Variants in EYS observed in about 807,000 individuals in gnomAD.
The protein encoded by EYS is protein eyes shut homolog.
A neutral mutation model predicts 282.1 loss-of-function variants in EYS; 250 were observed. The observed-to-expected ratio is 0.89, with a 90% CI of 0.80 to 0.98. The LOEUF is 0.98. Among genes scored for constraint, EYS ranks in the 50% least tolerant of loss-of-function variants. The probability of loss-of-function intolerance (pLI) is 0.00; values close to 1 mark genes in which losing one functional copy is unlikely to be tolerated. For synonymous variants in EYS, 1,355 were observed against 1,282.9 expected, an observed-to-expected ratio of 1.06 and a Z score of -1.20; for missense variants, 4,016 against 3,709.0, an observed-to-expected ratio of 1.08 and a Z score of -2.15.
At chr6:64,244,560 C>G (rs1319588774) in intron 30 of EYS, among the ~76,000 whole-genome samples, 1 of 152,022 alleles carries the variant, frequency 6.6e-6, no homozygotes, top group East Asian at 1.9e-4. Context: ...TGGTTTTTAT[C>G]TATTCTGCAA....
chr6:64,331,652 C>A (rs1770652311), intron 29 of EYS, among the ~76,000 whole-genome samples: 1 of 148,454 alleles, frequency 6.7e-6, no homozygotes, highest in Non-Finnish European at 1.5e-5. Context: ...GGAAAAACTG[C>A]ATTAGAGACT....
intron 2 of EYS, among the ~76,000 whole-genome samples, chr6:65,525,719 T>C (rs1016336094): frequency 6.6e-6 from 1 of 152,226 alleles, no homozygotes; most frequent in African/African-American, 2.4e-5. Flanking sequence ...AGTTTACTTT[T>C]AGATGAAATG....
intron 14 of EYS, among the ~76,000 whole-genome samples, chr6:64,951,690 A>T (rs1474906855): frequency 6.6e-6 from 1 of 151,838 alleles, no homozygotes; most frequent in Non-Finnish European, 1.5e-5. Context: ...TGAAAATTAT[A>T]ACCTGAAATT....
chr6:65,488,325 C>A, intron 5 of EYS, among the ~76,000 whole-genome samples: 1 of 152,128 alleles, frequency 6.6e-6, no homozygotes, highest in Admixed American at 6.6e-5. Flanking sequence ...CTATAAATTT[C>A]CCTCTACACA....
intron 14 of EYS, among the ~76,000 whole-genome samples, chr6:64,951,998 A>C (rs1031498089): frequency 5.9e-5 from 9 of 151,920 alleles, no homozygotes; most frequent in African/African-American, 2.2e-4. Flanking sequence ...TGGATACATA[A>C]AAATAAAACT....
chr6:64,772,246 G>A (rs1340199348), intron 22 of EYS, among the ~76,000 whole-genome samples: 1 of 151,638 alleles, frequency 6.6e-6, no homozygotes, highest in African/African-American at 2.4e-5. Flanking sequence ...GTCCTGTTTA[G>A]CATGGTCTTC....
At chr6:63,756,639 T>A (rs1582176306) in intron 41 of EYS, among the ~76,000 whole-genome samples, 1 of 152,112 alleles carries the variant, frequency 6.6e-6, no homozygotes, top group Admixed American at 6.6e-5. Flanking sequence ...GCTGCCCTCA[T>A]AAAGTGAGTT....
intron 1 of EYS, among the ~76,000 whole-genome samples, chr6:65,703,877 G>A (rs1237002087): frequency 2.0e-5 from 3 of 152,118 alleles, no homozygotes; most frequent in Non-Finnish European, 4.4e-5. Context: ...GGATTGGCAT[G>A]GTGCTACAAA....
intron 40 of EYS, among the ~76,000 whole-genome samples, chr6:63,776,086 C>G (rs1770057704): frequency 6.6e-6 from 1 of 152,092 alleles, no homozygotes; most frequent in African/African-American, 2.4e-5. Flanking sequence ...TATTGCTTGT[C>G]TATTTGTTAC....
intron 19 of EYS, among the ~76,000 whole-genome samples, chr6:64,864,422 T>C (rs1233109513): frequency 2.8e-5 from 4 of 144,134 alleles, no homozygotes; most frequent in Non-Finnish European, 4.5e-5. Flanking sequence ...AATCTTGCTC[T>C]GTCACCAGGC....
At chr6:64,542,572 G>A (rs1032371558) in intron 26 of EYS, among the ~76,000 whole-genome samples, 5 of 152,072 alleles carry the variant, frequency 3.3e-5, no homozygotes, top group Non-Finnish European at 7.4e-5. Flanking sequence ...GATTGTGAAA[G>A]TAGGTTTTTG....
At chr6:64,098,872 G>A (rs367814206) in intron 31 of EYS, among the ~76,000 whole-genome samples, 1 of 152,112 alleles carries the variant, frequency 6.6e-6, no homozygotes, top group East Asian at 1.9e-4. Context: ...CAAAGTGCTG[G>A]GATTACAAGC....
chr6:64,674,491 C>G (rs9363084), intron 22 of EYS, among the ~76,000 whole-genome samples: 3,149 of 151,876 alleles, frequency 0.021, 77 homozygotes, highest in East Asian at 0.11. Context: ...AGCTGGCAAC[C>G]CTAAGAGGCA....
At chr6:65,339,469 T>C (rs189380385) in intron 10 of EYS, among the ~76,000 whole-genome samples, 1 of 151,374 alleles carries the variant, frequency 6.6e-6, no homozygotes, top group East Asian at 2.0e-4. Flanking sequence ...ACTGTTATAA[T>C]TGTTATATTT....
intron 2 of EYS, among the ~76,000 whole-genome samples, chr6:65,510,012 T>A (rs1582394589): frequency 6.6e-6 from 1 of 152,058 alleles, no homozygotes; most frequent in Non-Finnish European, 1.5e-5. Flanking sequence ...AATTTTCTTT[T>A]TTTTTTCTTT....
intron 20 of EYS, among the ~76,000 whole-genome samples, chr6:64,822,032 GA>G (rs1226888719): frequency 6.6e-6 from 1 of 152,020 alleles, no homozygotes; most frequent in African/African-American, 2.4e-5. Context: ...GCATTGCAAT[GA>G]GCTGCCAACC....
chr6:65,338,473 C>G (rs528282874), intron 10 of EYS, among the ~76,000 whole-genome samples: 87 of 151,146 alleles, frequency 5.8e-4, no homozygotes, highest in African/African-American at 2.0e-3. Flanking sequence ...AACATTCTAT[C>G]AAAACATTAC....
At chr6:63,889,508 A>C (rs1346515165) in intron 35 of EYS, among the ~76,000 whole-genome samples, 1 of 152,232 alleles carries the variant, frequency 6.6e-6, no homozygotes, top group African/African-American at 2.4e-5. Flanking sequence ...AGAATTTCAT[A>C]TCCAGCCAAA....
In EYS at chr6:64,150,641, C is replaced by A. The variant is rs189427933; in HGVS notation, c.6425-68639G>T. Reference sequence around the variant, plus strand: ...CTCATAAACAAGAGCCACAGACACACAACATATATGTACCAAAATATATAG... The same window carrying A: ...CTCATAAACAAGAGCCACAGACACAAAACATATATGTACCAAAATATATAG... On this transcript the variant is annotated intron_variant, in intron 31 of 42. Coordinates refer to ENST00000503581, the MANE Select transcript of EYS (RefSeq NM_001142800.2). 7.5e-3 allele frequency among the ~76,000 whole-genome samples: 1,135 copies of A among 152,222 alleles called. 6 individuals carry two copies. Among genetic ancestry groups the A allele is most frequent in the African/African-American group, 0.026 (1,063 of 41,530 alleles).
Sources: allele counts gnomAD v4.1 joint callset (sites outside exome capture counted in the v4.1 genomes callset), GRCh38; gene constraint gnomAD v4.1.1; transcripts MANE v1.5; gene names NCBI Gene and HGNC (gene_info 2026-07-23, HGNC 2026-07-21).